Variants in PKNOX1 observed in about 807,000 individuals in gnomAD.
PKNOX1 encodes the protein PBX/knotted 1 homeobox 1, also known as homeobox protein PKNOX1.
In PKNOX1, 15 loss-of-function variants were observed where a neutral mutation model predicts 51.9. The ratio of observed to expected loss-of-function variants is 0.29; its 90% CI spans 0.19 to 0.45. The LOEUF (loss-of-function observed/expected upper bound fraction) is 0.45, where lower values mean the gene tolerates loss of function less well. Among genes scored for constraint, PKNOX1 ranks in the 20% least tolerant of loss-of-function variants. The pLI, the probability that PKNOX1 is intolerant of heterozygous loss-of-function variation, is 1.00. For synonymous variants in PKNOX1, 219 were observed against 211.1 expected, an observed-to-expected ratio of 1.04 and a Z score of -0.32; for missense variants, 462 against 547.5, an observed-to-expected ratio of 0.84 and a Z score of 1.56.
At chr21:42,981,725 A>G (rs2059027177) in intron 1 of PKNOX1, among the ~76,000 whole-genome samples, 1 of 152,040 alleles carries the variant, frequency 6.6e-6, no homozygotes, top group African/African-American at 2.4e-5. Context: ...ACACCCAGCT[A>G]ATTGTACTGT....
chr21:43,008,336 A>G (rs139310764), intron 3 of PKNOX1, among the ~76,000 whole-genome samples: 156 of 152,314 alleles, frequency 1.0e-3, no homozygotes, highest in African/African-American at 3.6e-3. Flanking sequence ...GACAATACCA[A>G]ATAAGGAAAA....
chr21:42,976,866 T>G (rs2058999997), intron 1 of PKNOX1, among the ~76,000 whole-genome samples: 1 of 152,246 alleles, frequency 6.6e-6, no homozygotes, highest in African/African-American at 2.4e-5. Flanking sequence ...TCAGTTTACT[T>G]TGCCCAGATT....
intron 9 of PKNOX1, 100 bp downstream of exon 9, chr21:43,025,047 C>A: frequency 1.3e-6 from 1 of 751,694 alleles, no homozygotes; most frequent in South Asian, 1.6e-5. Context: ...AATAGGAGGT[C>A]TCTCTTTTTC....
intron 1 of PKNOX1, among the ~76,000 whole-genome samples, chr21:43,000,875 C>T (rs915215849): frequency 1.3e-5 from 2 of 151,978 alleles, no homozygotes; most frequent in Non-Finnish European, 2.9e-5. Flanking sequence ...AGAACAAGAA[C>T]CTGTCTCTAA....
Position 43,033,302 on chromosome 21 carries a change from A to C in PKNOX1, c.*3201A>C, listed in dbSNP as rs1299663691. 1 of 152,532 alleles carries C rather than the reference A, an allele frequency of 6.6e-6. No individual in the cohort carries two copies. The highest frequency in any genetic ancestry group is 1.5e-5 in the Non-Finnish European group (1 of 68,036). 9.4% of individuals were successfully genotyped at this position (152,532 alleles called of 1,614,324 possible). A position where few individuals can be genotyped will look rare whatever the true frequency, so the allele number is the denominator to read the frequency against. On this transcript the variant is annotated 3_prime_UTR_variant, in exon 11 of 11. Coordinates refer to ENST00000291547, the MANE Select transcript of PKNOX1 (RefSeq NM_004571.5). ...TGTCTGTGTGACCTGAGAGTGATCC[A>C]TCTCCTGCCTGTGTGAGGTAGCAGT... is the stretch of plus-strand genomic sequence containing the variant.
rs533622086 is a variant in PKNOX1 at position 42,989,291 on chromosome 21, G to GT, written c.-57+14634dup. Among the ~76,000 whole-genome samples the GT allele has an allele frequency of 2.6e-3, 389 of 151,550 alleles. 1 individual carries two copies. The highest frequency in any genetic ancestry group is 3.4e-3 in the Non-Finnish European group (234 of 67,894). ...ACTGGGCCCGGCCTATCCCCAACCT[G>GT]TTTTTTTCAGTTTTTTTCCATTTTT... On this transcript the variant is annotated intron_variant, in intron 1 of 10. Transcript: ENST00000291547.
At position 42,976,099 on chromosome 21, in the gene PKNOX1, C is replaced by T. The variant is rs144827354; in HGVS notation, c.-57+1435C>T. ...ATCCTGTCCTTGTACACAGGCGTAC[C>T]TCAGATAATTCGAGTTCTAATCCAG... On this transcript the variant is annotated intron_variant, in intron 1 of 10. Coordinates refer to ENST00000291547, the MANE Select transcript of PKNOX1 (RefSeq NM_004571.5). Among the ~76,000 whole-genome samples the T allele has an allele frequency of 2.0e-3, 310 of 152,224 alleles. 1 individual carries two copies. The highest frequency in any genetic ancestry group is 7.3e-3 in the African/African-American group (303 of 41,530).
chr21:43,028,569 C>G (rs1478966972), intron 9 of PKNOX1, 133 bp from the exon 10 acceptor site: 1 of 770,084 alleles, frequency 1.3e-6, no homozygotes, highest in African/African-American at 1.7e-5. Context: ...TAAGTAGTTA[C>G]TATAGTGGAG....
At chr21:42,985,780 CTTGAGACCAGGAGT>C (rs1483355752) in intron 1 of PKNOX1, among the ~76,000 whole-genome samples, 3 of 150,670 alleles carry the variant, frequency 2.0e-5, no homozygotes. Flanking sequence ...GGGTGGATGA[CTTGAGACCAGGAGT>C]TTGAGACCAG....
At chr21:42,976,547 C>T (rs2058998454) in intron 1 of PKNOX1, among the ~76,000 whole-genome samples, 1 of 152,238 alleles carries the variant, frequency 6.6e-6, no homozygotes, top group Non-Finnish European at 1.5e-5. Context: ...TATTCTCAAA[C>T]TCTGCCACTG....
At chr21:42,994,194 T>G (rs12481947) in intron 1 of PKNOX1, among the ~76,000 whole-genome samples, 1 of 141,594 alleles carries the variant, frequency 7.1e-6, no homozygotes, top group Non-Finnish European at 1.5e-5. Flanking sequence ...ACATGTGCCA[T>G]CATGCCCAGC....
chr21:43,009,932 C>A, intron 3 of PKNOX1, 121 bp from the exon 4 acceptor site: 3 of 521,312 alleles, frequency 5.8e-6, no homozygotes, highest in South Asian at 4.1e-5. Flanking sequence ...ACGGGTGGAC[C>A]GTGTGGCGTG....
At chr21:42,993,611 C>T (rs1978338052) in intron 1 of PKNOX1, among the ~76,000 whole-genome samples, 1 of 148,580 alleles carries the variant, frequency 6.7e-6, no homozygotes, top group African/African-American at 2.5e-5. Context: ...CTCCTGCTCC[C>T]TTGGCCTGTG....
intron 3 of PKNOX1, among the ~76,000 whole-genome samples, chr21:43,009,610 C>A (rs1283731720): frequency 1.3e-3 from 98 of 76,112 alleles, no homozygotes; most frequent in Admixed American, 2.2e-3. Flanking sequence ...GACTCCATCT[C>A]AAAAAAAAAA....
In PKNOX1 at chr21:43,018,079, G is replaced by A. The variant is rs1244185398; in HGVS notation, c.623-54G>A. 1.4e-5 allele frequency: 9 copies of A among 659,570 alleles called. No homozygotes were observed. In the East Asian group the frequency reaches 2.6e-4, roughly 19 times the overall value. 40.9% of individuals were successfully genotyped at this position (659,570 alleles called of 1,614,324 possible). A position where few individuals can be genotyped will look rare whatever the true frequency, so the allele number is the denominator to read the frequency against. Reference sequence around the variant, plus strand: ...AAAAAAAAAAAAAAAAAGAAGAATGGTTTAAATCATTGAGACTTAAAAGCA... The same window carrying A: ...AAAAAAAAAAAAAAAAAGAAGAATGATTTAAATCATTGAGACTTAAAAGCA... On this transcript the variant is annotated intron_variant, in intron 6 of 10. Coordinates refer to ENST00000291547, the MANE Select transcript of PKNOX1 (RefSeq NM_004571.5).
chr21:43,003,175 C>T (rs943455426), intron 1 of PKNOX1, among the ~76,000 whole-genome samples: 1 of 152,186 alleles, frequency 6.6e-6, no homozygotes, highest in Non-Finnish European at 1.5e-5. Context: ...GCACAACTGC[C>T]CTTGACCTCC....
intron 1 of PKNOX1, among the ~76,000 whole-genome samples, chr21:42,995,399 CT>C (rs1484983717): frequency 6.6e-6 from 1 of 151,986 alleles, no homozygotes; most frequent in Non-Finnish European, 1.5e-5. Flanking sequence ...TGTCTTGAGC[CT>C]GGTGCTGTGG....
At chr21:42,990,240 C>T (rs1340250004) in intron 1 of PKNOX1, among the ~76,000 whole-genome samples, 1 of 152,062 alleles carries the variant, frequency 6.6e-6, no homozygotes, top group Non-Finnish European at 1.5e-5. Flanking sequence ...GCCCGGGTGA[C>T]AGAGCAAGAC....
intron 1 of PKNOX1, among the ~76,000 whole-genome samples, chr21:42,977,528 T>C (rs2059003280): frequency 6.8e-6 from 1 of 146,210 alleles, no homozygotes; most frequent in South Asian, 2.2e-4. Flanking sequence ...CAGCCTCTGC[T>C]GCTTCCAACT....
Sources: allele counts gnomAD v4.1 joint callset (sites outside exome capture counted in the v4.1 genomes callset), GRCh38; gene constraint gnomAD v4.1.1; transcripts MANE v1.5; gene names NCBI Gene and HGNC (gene_info 2026-07-23, HGNC 2026-07-21).